The following CRISPLD1 variants were observed in gnomAD, a reference collection of about 807,000 sequenced individuals.
CRISPLD1 encodes the protein cysteine rich secretory protein LCCL domain containing 1, also known as cysteine-rich secretory protein LCCL domain-containing 1.
Under a neutral mutation model 77.5 loss-of-function variants are expected in CRISPLD1, and 60 were observed. That is an observed-to-expected ratio of 0.77 (90% CI 0.63 to 0.96). CRISPLD1 has a LOEUF of 0.96. Ranked by LOEUF, CRISPLD1 falls within the 40% of genes least tolerant of loss-of-function variation. The pLI, the probability that CRISPLD1 is intolerant of heterozygous loss-of-function variation, is 0.00. For synonymous variants in CRISPLD1, 195 were observed against 200.1 expected, an observed-to-expected ratio of 0.97 and a Z score of 0.22; for missense variants, 623 against 615.8, an observed-to-expected ratio of 1.01 and a Z score of -0.12.
chr8:75,023,791 C>CGTGT (rs892160096), intron 12 of CRISPLD1, among the ~76,000 whole-genome samples: 5 of 67,628 alleles, frequency 7.4e-5, no homozygotes, highest in Middle Eastern at 7.4e-3. Context: ...GTGATGAGTG[C>CGTGT]GTGTGTGTGT....
chr8:74,985,898 A>G lies in CRISPLD1; in HGVS notation c.-62-28A>G. On this transcript the variant is annotated intron_variant, in intron 1 of 14. Coordinates refer to ENST00000262207, the MANE Select transcript of CRISPLD1 (RefSeq NM_031461.6). ...AAAATTCATATCTGCTGGAATTTTC[A>G]TCTTAATCACATGACATGTCGTTAT... is the stretch of plus-strand genomic sequence containing the variant. 2.9e-6 allele frequency: 4 copies of G among 1,402,746 alleles called. No homozygotes were observed. In the East Asian group the frequency reaches 6.9e-5, roughly 24 times the overall value. 86.9% of individuals were successfully genotyped at this position (1,402,746 alleles called of 1,614,324 possible).
chr8:75,022,463 C>A (rs1249198966), intron 12 of CRISPLD1, among the ~76,000 whole-genome samples: 1 of 151,794 alleles, frequency 6.6e-6, no homozygotes, highest in Non-Finnish European at 1.5e-5. Flanking sequence ...GGGGCGGGTG[C>A]CTGTAGTCCC....
chr8:74,986,076 C>T lies in CRISPLD1; in HGVS notation c.89C>T (p.Thr30Ile). 1 of 1,614,040 alleles carries T rather than the reference C, an allele frequency of 6.2e-7. No homozygotes were observed. Among genetic ancestry groups the T allele is most frequent in the Non-Finnish European group, 8.5e-7 (1 of 1,180,016 alleles). ...AIPAMVVPNA[T>I]LLEKLLEKYM... ...CCAGCCATGGTGGTTCCCAATGCCACTTTATTGGAGAAACTTTTGGAAAAA... is the reference window on the plus strand; with the variant it reads ...CCAGCCATGGTGGTTCCCAATGCCATTTTATTGGAGAAACTTTTGGAAAAA... The change falls in exon 2 of 15, where the codon ACT (threonine) becomes ATT (isoleucine). Residue 30 changes from threonine (T) to isoleucine (I), a missense_variant. Transcript: ENST00000262207.
intron 2 of CRISPLD1, among the ~76,000 whole-genome samples, chr8:74,988,128 C>T (rs751466143): frequency 3.9e-5 from 6 of 152,126 alleles, no homozygotes; most frequent in Non-Finnish European, 8.8e-5. Flanking sequence ...CTGTAATACA[C>T]ATTTTCTAGA....
At position 75,003,919 on chromosome 8, in the gene CRISPLD1, A is replaced by G. The variant is rs562324780; in HGVS notation, c.259-8514A>G. Among the ~76,000 whole-genome samples the G allele has an allele frequency of 6.6e-5, 10 of 152,304 alleles. No homozygotes were observed. The South Asian group carries it at 1.9e-3, about 28-fold the overall frequency. On this transcript the variant is annotated intron_variant, in intron 2 of 14. Transcript: ENST00000262207. Reference sequence around the variant, plus strand: ...ATGTCATGCATCTGATGTAATATTAAATGTGATATATTTATATATTGATAC... The same window carrying G: ...ATGTCATGCATCTGATGTAATATTAGATGTGATATATTTATATATTGATAC...
intron 4 of CRISPLD1, 115 bp from the exon 5 acceptor site, chr8:75,013,872 T>C (rs1458150664): frequency 2.9e-6 from 2 of 695,486 alleles, no homozygotes; most frequent in Non-Finnish European, 5.1e-6. Flanking sequence ...CTCAGTTCAT[T>C]TTGAATGATA....
chr8:74,995,596 T>C (rs984734351), intron 2 of CRISPLD1, among the ~76,000 whole-genome samples: 1 of 152,164 alleles, frequency 6.6e-6, no homozygotes, highest in Non-Finnish European at 1.5e-5. Context: ...TACTTCAGCC[T>C]CCTGAGTAGC....
intron 2 of CRISPLD1, among the ~76,000 whole-genome samples, chr8:75,005,335 T>C (rs1231196059): frequency 6.6e-6 from 1 of 152,112 alleles, no homozygotes; most frequent in Non-Finnish European, 1.5e-5. Context: ...GAAAGACTTA[T>C]TTCAGCTCCG....
chr8:75,032,292 T>C lies in CRISPLD1; in HGVS notation c.*50T>C. The stretch of plus-strand genomic sequence containing the variant: ...TAAAGACTATTCCAAATGCAATATT[T>C]CTGAATTTTGTATAAAACTGTAACA... On this transcript the variant is annotated 3_prime_UTR_variant, in exon 15 of 15. Transcript: ENST00000262207. 6.9e-7 allele frequency: 1 copy of C among 1,449,998 alleles called. No homozygotes were observed. Among genetic ancestry groups the C allele is most frequent in the Non-Finnish European group, 9.6e-7 (1 of 1,044,886 alleles). 89.8% of individuals were successfully genotyped at this position (1,449,998 alleles called of 1,614,324 possible).
At chr8:75,001,543 T>C (rs1812741298) in intron 2 of CRISPLD1, among the ~76,000 whole-genome samples, 1 of 152,204 alleles carries the variant, frequency 6.6e-6, no homozygotes, top group African/African-American at 2.4e-5. Flanking sequence ...AGTAAAGCAG[T>C]GAACAGTAAA....
In CRISPLD1 at chr8:75,033,449, ATTAT is replaced by A. The variant is rs1473015970; in HGVS notation, c.*1211_*1214del. ...ACCAGATGTCTACAAAATCGACCTGATTATTTAGGTATTTGTATGTGAAAGAGAA... is the reference window on the plus strand; with the variant it reads ...ACCAGATGTCTACAAAATCGACCTGATTAGGTATTTGTATGTGAAAGAGAA... On this transcript the variant is annotated 3_prime_UTR_variant, in exon 15 of 15. Coordinates refer to ENST00000262207, the MANE Select transcript of CRISPLD1 (RefSeq NM_031461.6). 2 of 151,990 alleles carry A rather than the reference ATTAT, an allele frequency of 1.3e-5. No homozygotes were observed. Among genetic ancestry groups the A allele is most frequent in the African/African-American group, 2.4e-5 (1 of 41,440 alleles). 9.4% of individuals were successfully genotyped at this position (151,990 alleles called of 1,614,324 possible).
In CRISPLD1 at chr8:75,020,030, A is replaced by G; in HGVS notation, c.1195A>G (p.Thr399Ala). 6.2e-6 allele frequency: 10 copies of G among 1,614,140 alleles called. No individual in the cohort carries two copies. Among genetic ancestry groups the G allele is most frequent in the Non-Finnish European group, 8.5e-6 (10 of 1,179,990 alleles). The change falls in exon 12 of 15, where the codon ACT becomes GCT. Residue 399 changes from threonine (T) to alanine (A), a missense_variant. Transcript: ENST00000262207. ...AGTTCAGGCTGTGACTTGTGAAACA[A>G]CTGTGGAACAGCTCTGTCCATTTCA... ...VTVQAVTCET[T>A]VEQLCPFHKP...
At chr8:74,998,327 G>A (rs1193659150) in intron 2 of CRISPLD1, among the ~76,000 whole-genome samples, 2 of 152,106 alleles carry the variant, frequency 1.3e-5, no homozygotes, top group African/African-American at 4.8e-5. Flanking sequence ...AAGGATATTT[G>A]TGGAATCAAA....
intron 2 of CRISPLD1, among the ~76,000 whole-genome samples, chr8:74,986,672 G>T (rs183413935): frequency 6.6e-6 from 1 of 152,130 alleles, no homozygotes; most frequent in Non-Finnish European, 1.5e-5. Flanking sequence ...TTCCTAATGG[G>T]TCTTTGTTTC....
intron 2 of CRISPLD1, among the ~76,000 whole-genome samples, chr8:74,996,695 G>A (rs529651561): frequency 1.4e-5 from 2 of 145,410 alleles, no homozygotes; most frequent in African/African-American, 5.0e-5. Flanking sequence ...AGACATACCA[G>A]CATGAGCCAG....
chr8:74,995,672 G>GT (rs939010400), intron 2 of CRISPLD1, among the ~76,000 whole-genome samples: 8 of 152,154 alleles, frequency 5.3e-5, no homozygotes, highest in Admixed American at 2.0e-4. Flanking sequence ...CCAGCCTGAA[G>GT]TTTTCAACTT....
At chr8:75,003,837 G>C (rs925397767) in intron 2 of CRISPLD1, among the ~76,000 whole-genome samples, 3 of 152,218 alleles carry the variant, frequency 2.0e-5, no homozygotes, top group Non-Finnish European at 4.4e-5. Context: ...AAAATGTAAG[G>C]ATTGTAATTC....
intron 13 of CRISPLD1, among the ~76,000 whole-genome samples, chr8:75,028,960 T>C (rs1813283005): frequency 6.6e-6 from 1 of 152,134 alleles, no homozygotes; most frequent in African/African-American, 2.4e-5. Context: ...AAAGTGAACA[T>C]ACATGAGGGA....
intron 2 of CRISPLD1, among the ~76,000 whole-genome samples, chr8:74,998,561 G>T (rs1368054459): frequency 6.6e-6 from 1 of 151,752 alleles, no homozygotes; most frequent in Non-Finnish European, 1.5e-5. Flanking sequence ...GGTGGTGCAT[G>T]CCTGTAGTCT....
Sources: gnomAD v4.1 joint callset for allele counts (sites outside exome capture counted in the v4.1 genomes callset) on GRCh38, gnomAD v4.1.1 for gene constraint, MANE v1.5 for transcripts, NCBI Gene and HGNC (gene_info 2026-07-23, HGNC 2026-07-21) for gene names.